PTPRN2: variants seen among roughly 807,000 people sequenced by gnomAD.
The protein encoded by PTPRN2 is receptor-type tyrosine-protein phosphatase N2.
Under a neutral mutation model 118.8 loss-of-function variants are expected in PTPRN2, and 74 were observed. The observed-to-expected ratio is 0.62, with a 90% CI of 0.52 to 0.76. The LOEUF (loss-of-function observed/expected upper bound fraction) is 0.76. Ranked by LOEUF, PTPRN2 falls within the 30% of genes least tolerant of loss-of-function variation. PTPRN2 has a pLI of 0.00. For synonymous variants in PTPRN2, 641 were observed against 608.0 expected, an observed-to-expected ratio of 1.05 and a Z score of -0.80; for missense variants, 1,481 against 1,394.4, an observed-to-expected ratio of 1.06 and a Z score of -0.99.
Position 157,870,823 on chromosome 7 carries a change from C to T in PTPRN2, c.1788+27850G>A, listed in dbSNP as rs143635871. On this transcript the variant is annotated intron_variant, in intron 12 of 22. Coordinates refer to ENST00000389418, the MANE Select transcript of PTPRN2 (RefSeq NM_002847.5). Reference sequence around the variant, plus strand: ...CCAGCCTCCCGCACCTGCACCCCCACCTTGATCCCCCAGAGCACCTGGGTT... The same window carrying T: ...CCAGCCTCCCGCACCTGCACCCCCATCTTGATCCCCCAGAGCACCTGGGTT... Among the ~76,000 whole-genome samples, 398 of 152,364 alleles carry T rather than the reference C, an allele frequency of 2.6e-3. 4 individuals carry two copies. The highest frequency in any genetic ancestry group is 9.2e-3 in the African/African-American group (381 of 41,586).
chr7:158,520,211 C>G (rs1823881714), intron 1 of PTPRN2, among the ~76,000 whole-genome samples: 1 of 152,208 alleles, frequency 6.6e-6, no homozygotes, highest in African/African-American at 2.4e-5. Flanking sequence ...CTTCCATCCC[C>G]TAAGAAAAAC....
intron 6 of PTPRN2, among the ~76,000 whole-genome samples, chr7:158,157,084 A>G (rs1418434115): frequency 6.6e-6 from 1 of 151,724 alleles, no homozygotes; most frequent in Non-Finnish European, 1.5e-5. Flanking sequence ...GTAGCTCTGG[A>G]AGGCCTCCCC....
In PTPRN2 at chr7:157,725,309, G is replaced by C. The variant is rs1194404323; in HGVS notation, c.1789-42372C>G. ...GAACTGGATACCTACACCCAGAGGA[G>C]TGTGGCCAGACCCTCGCCTCCCAGG... On this transcript the variant is annotated intron_variant, in intron 12 of 22. Coordinates refer to ENST00000389418, the MANE Select transcript of PTPRN2 (RefSeq NM_002847.5). Among the ~76,000 whole-genome samples the C allele has an allele frequency of 3.7e-4, 39 of 105,850 alleles. 1 individual carries two copies. The highest frequency in any genetic ancestry group is 6.3e-3 in the Middle Eastern group (1 of 160). 69.4% of individuals were successfully genotyped at this position (105,850 alleles called of 152,430 possible). A position where few individuals can be genotyped will look rare whatever the true frequency, so the allele number is the denominator to read the frequency against.
chr7:158,372,580 C>T (rs9690065), intron 2 of PTPRN2, among the ~76,000 whole-genome samples: 93,453 of 144,322 alleles, frequency 0.65, 30,276 homozygotes, highest in East Asian at 0.81. Context: ...TGGAGCTGGT[C>T]CCCCCAACAC....
intron 5 of PTPRN2, among the ~76,000 whole-genome samples, chr7:158,183,292 C>G (rs1360598501): frequency 1.3e-5 from 2 of 152,170 alleles, no homozygotes; most frequent in Non-Finnish European, 2.9e-5. Context: ...ACATTCAACA[C>G]TAATATTGAG....
intron 13 of PTPRN2, among the ~76,000 whole-genome samples, chr7:157,669,017 G>T (rs887613823): frequency 6.6e-6 from 1 of 152,242 alleles, no homozygotes; most frequent in Non-Finnish European, 1.5e-5. Context: ...AAGGCCAGCT[G>T]GGAGCAGAGG....
At chr7:158,026,791 T>C (rs1164887408) in intron 11 of PTPRN2, among the ~76,000 whole-genome samples, 1 of 152,124 alleles carries the variant, frequency 6.6e-6, no homozygotes, top group Admixed American at 6.5e-5. Flanking sequence ...CCTCCACGTA[T>C]ACCGTGACAG....
At chr7:157,948,444 G>A (rs1015264707) in intron 11 of PTPRN2, among the ~76,000 whole-genome samples, 1 of 151,840 alleles carries the variant, frequency 6.6e-6, no homozygotes, top group Non-Finnish European at 1.5e-5. Flanking sequence ...ATAACAAAAA[G>A]AAATGTGCAG....
At chr7:158,518,201 G>A (rs1464066843) in intron 1 of PTPRN2, among the ~76,000 whole-genome samples, 1 of 152,180 alleles carries the variant, frequency 6.6e-6, no homozygotes, top group Non-Finnish European at 1.5e-5. Context: ...TTAATTAATA[G>A]AGACGATACG....
rs1479325368 is a variant in PTPRN2, at chr7:158,151,122, C to T, written c.911-12607G>A. 5.2e-4 allele frequency among the ~76,000 whole-genome samples: 53 copies of T among 102,712 alleles called. 1 individual carries two copies. The highest frequency in any genetic ancestry group is 2.3e-3 in the African/African-American group (50 of 21,784). The allele number at this position is 102,712 out of a possible 152,430, so 67.4% of individuals were successfully genotyped here. A position where few individuals can be genotyped will look rare whatever the true frequency, so the allele number is the denominator to read the frequency against. On this transcript the variant is annotated intron_variant, in intron 6 of 22. Transcript: ENST00000389418. Reference sequence around the variant, plus strand: ...CCCGCCTTTCTGCTCCTACCCCTGCCCACACCGCCCGCCTTTCTATTCCTG... The same window carrying T: ...CCCGCCTTTCTGCTCCTACCCCTGCTCACACCGCCCGCCTTTCTATTCCTG...
chr7:157,653,462 G>A (rs1021478256), intron 14 of PTPRN2, among the ~76,000 whole-genome samples: 3 of 152,230 alleles, frequency 2.0e-5, no homozygotes, highest in East Asian at 1.9e-4. Context: ...GCGTTCCTGC[G>A]GCACCAACCT....
intron 11 of PTPRN2, among the ~76,000 whole-genome samples, chr7:157,912,069 C>A (rs1430378337): frequency 2.0e-5 from 3 of 152,172 alleles, no homozygotes; most frequent in African/African-American, 7.2e-5. Flanking sequence ...CACGTGTCTC[C>A]AGGCCCATGT....
intron 15 of PTPRN2, among the ~76,000 whole-genome samples, chr7:157,606,190 G>T (rs1801991510): frequency 6.6e-6 from 1 of 152,214 alleles, no homozygotes; most frequent in Admixed American, 6.5e-5. Flanking sequence ...CCCTGACTTT[G>T]CTCCAAGATC....
intron 6 of PTPRN2, among the ~76,000 whole-genome samples, chr7:158,151,098 C>T (rs1220929355): frequency 1.8e-5 from 1 of 56,594 alleles, no homozygotes; most frequent in Non-Finnish European, 3.8e-5. Flanking sequence ...CCCAAACCGC[C>T]CGCCTTTCTG....
chr7:157,796,852 G>A (rs1329936695), intron 12 of PTPRN2, among the ~76,000 whole-genome samples: 2 of 152,158 alleles, frequency 1.3e-5, no homozygotes. Context: ...AGAGGGTGGT[G>A]CAAAACCATT....
intron 2 of PTPRN2, among the ~76,000 whole-genome samples, chr7:158,367,504 G>A (rs1015920865): frequency 4.6e-5 from 7 of 152,164 alleles, no homozygotes; most frequent in Non-Finnish European, 4.4e-5. Flanking sequence ...GAGGCTGGGC[G>A]GTGGCACTCA....
intron 2 of PTPRN2, among the ~76,000 whole-genome samples, chr7:158,396,691 T>C (rs1228915334): frequency 6.6e-6 from 1 of 152,162 alleles, no homozygotes; most frequent in Admixed American, 6.5e-5. Flanking sequence ...TGTGTGTGCA[T>C]GTTTGTGTGT....
chr7:157,931,446 G>A (rs976814025), intron 11 of PTPRN2, among the ~76,000 whole-genome samples: 2 of 152,218 alleles, frequency 1.3e-5, no homozygotes. Context: ...CAGAGGCACG[G>A]AACCCAGTCT....
intron 11 of PTPRN2, among the ~76,000 whole-genome samples, chr7:158,044,297 A>G (rs1167680556): frequency 6.6e-6 from 1 of 152,204 alleles, no homozygotes; most frequent in Non-Finnish European, 1.5e-5. Context: ...TTGAACCAGC[A>G]GACTGTGGGC....
Sources: allele counts gnomAD v4.1 joint callset (sites outside exome capture counted in the v4.1 genomes callset), GRCh38; gene constraint gnomAD v4.1.1; transcripts MANE v1.5; gene names NCBI Gene and HGNC (gene_info 2026-07-23, HGNC 2026-07-21).